The following ZNF141 variants were observed in gnomAD, a reference collection of about 807,000 sequenced individuals.
ZNF141 encodes zinc finger protein 141 (clone pHZ-44).
ZNF141 carries 7 observed loss-of-function variants against 11.3 expected under a neutral mutation model. That is an observed-to-expected ratio of 0.62 (90% CI 0.35 to 1.16). ZNF141 has a LOEUF of 1.16. Ranked by LOEUF, ZNF141 falls within the 50% of genes most tolerant of loss-of-function variation. ZNF141 has a pLI of 0.02. For synonymous variants in ZNF141, 183 were observed against 190.7 expected (o/e 0.96, Z 0.33); for missense variants, 535 against 554.0 (o/e 0.97, Z 0.34).
intron 3 of ZNF141, among the ~76,000 whole-genome samples, chr4:364,836 A>G (rs1031673554): frequency 3.9e-5 from 6 of 151,946 alleles, no homozygotes; most frequent in African/African-American, 4.8e-5. Flanking sequence ...CTCAAACACC[A>G]TGCTGGGAGA....
chr4:364,701 G>A (rs1711653246), intron 3 of ZNF141, among the ~76,000 whole-genome samples: 1 of 152,266 alleles, frequency 6.6e-6, no homozygotes, highest in Admixed American at 6.5e-5. Flanking sequence ...TCCTCTGGAA[G>A]CTTTGTCCCA....
intron 1 of ZNF141, among the ~76,000 whole-genome samples, chr4:341,788 C>T (rs1162914781): frequency 6.6e-6 from 1 of 152,186 alleles, no homozygotes; most frequent in Admixed American, 6.5e-5. Context: ...ACTCCAGTCT[C>T]CTCTCCAGAG....
chr4:358,558 A>C (rs1721959805), intron 3 of ZNF141: 1 of 157,294 alleles, frequency 6.4e-6, no homozygotes, highest in South Asian at 1.7e-4. Flanking sequence ...GTACTTTTGC[A>C]TTTTATTTTT....
chr4:340,667 C>T (rs782722885), intron 1 of ZNF141, among the ~76,000 whole-genome samples: 1 of 152,154 alleles, frequency 6.6e-6, no homozygotes, highest in African/African-American at 2.4e-5. Context: ...CTTTTAATTA[C>T]GAGACCAAGT....
In ZNF141 at chr4:344,405, A is replaced by T; in HGVS notation, c.201A>T (p.Ile67=). Residue 67 remains isoleucine (I), a synonymous_variant, in exon 3 of 4, where the codon ATA becomes ATT. Coordinates refer to ENST00000240499, the MANE Select transcript of ZNF141 (RefSeq NM_003441.4). ...EQRKEPYNVK[I]HKIVARPPAM... ...GAAAAGAGCCCTACAATGTGAAGAT[A>T]CATAAGATCGTAGCCAGACCCCCAG... is the stretch of plus-strand genomic sequence containing the variant. 1 of 1,607,236 alleles carries T rather than the reference A, an allele frequency of 6.2e-7. No homozygotes were observed.
rs146621662 is a variant in ZNF141, at chr4:357,232, G to A, written c.226+12802G>A. 5.9e-5 allele frequency among the ~76,000 whole-genome samples: 9 copies of A among 152,212 alleles called. No homozygotes were observed. The East Asian group carries it at 1.7e-3, about 29-fold the overall frequency. ...ACCTCCCAATGTACTAGGATTACAG[G>A]CATGAGCCATCAGGCCCAGTCATTT... On this transcript the variant is annotated intron_variant, in intron 3 of 3. Coordinates refer to ENST00000240499, the MANE Select transcript of ZNF141 (RefSeq NM_003441.4).
At chr4:354,001 C>T (rs1471246271) in intron 3 of ZNF141, among the ~76,000 whole-genome samples, 2 of 152,196 alleles carry the variant, frequency 1.3e-5, no homozygotes, top group African/African-American at 2.4e-5. Flanking sequence ...ACCTCTGCTT[C>T]TAGGGTTTTC....
intron 3 of ZNF141, among the ~76,000 whole-genome samples, chr4:364,955 A>G (rs1309517262): frequency 1.3e-5 from 2 of 152,244 alleles, no homozygotes; most frequent in African/African-American, 2.4e-5. Flanking sequence ...TACAGAGGCA[A>G]CTGGCCTTGT....
intron 3 of ZNF141, among the ~76,000 whole-genome samples, chr4:351,194 T>G (rs1721582829): frequency 6.6e-6 from 1 of 151,938 alleles, no homozygotes; most frequent in Non-Finnish European, 1.5e-5. Flanking sequence ...TAGAAGCTGC[T>G]GTGCTTCCTG....
At chr4:366,041 G>A (rs1417398080) in intron 3 of ZNF141, among the ~76,000 whole-genome samples, 1 of 152,130 alleles carries the variant, frequency 6.6e-6, no homozygotes, top group South Asian at 2.1e-4. Flanking sequence ...TAGCTTTATA[G>A]CATATTTCGG....
rs781882234 is a variant in ZNF141 at position 344,301 on chromosome 4, T to C, written c.131-34T>C. On this transcript the variant is annotated intron_variant, in intron 2 of 3. Coordinates refer to ENST00000240499, the MANE Select transcript of ZNF141 (RefSeq NM_003441.4). ...TTGGTAATTGGAGAATCCCCATCAA[T>C]AGTCATGTTATTATTTTTTTTAAAA... 4 of 1,561,940 alleles carry C rather than the reference T, an allele frequency of 2.6e-6. No individual in the cohort carries two copies. In the African/African-American group the frequency reaches 4.1e-5, roughly 16 times the overall value.
At chr4:346,576 G>C (rs920993091) in intron 3 of ZNF141, among the ~76,000 whole-genome samples, 1 of 152,100 alleles carries the variant, frequency 6.6e-6, no homozygotes, top group Non-Finnish European at 1.5e-5. Flanking sequence ...AGGTTTCTCA[G>C]ATTTACTCAA....
chr4:376,904 TTGTC>T lies in ZNF141; in HGVS notation c.*3045_*3048del, dbSNP rs1712398352. On this transcript the variant is annotated 3_prime_UTR_variant, in exon 4 of 4. Transcript: ENST00000240499. ...CCCCATACAAACTCCTTGTTTTTAT[TTGTC>T]TGGTGCTCATGCTAGAGCTATAATT... Among the ~76,000 whole-genome samples, 1 of 152,142 alleles carries T rather than the reference TTGTC, an allele frequency of 6.6e-6. No individual in the cohort carries two copies. The highest frequency in any genetic ancestry group is 1.5e-5 in the Non-Finnish European group (1 of 67,978).
At chr4:347,804 T>C (rs1158907875) in intron 3 of ZNF141, among the ~76,000 whole-genome samples, 6 of 152,134 alleles carry the variant, frequency 3.9e-5, no homozygotes, top group African/African-American at 1.4e-4. Context: ...ATTGTTTTGC[T>C]TTTTTGCTTT....
intron 3 of ZNF141, among the ~76,000 whole-genome samples, chr4:368,028 A>G (rs187175249): frequency 6.6e-6 from 1 of 152,204 alleles, no homozygotes; most frequent in African/African-American, 2.4e-5. Flanking sequence ...ACAACTACCT[A>G]CTTTTTCTGT....
At position 378,631 on chromosome 4, in the gene ZNF141, A is replaced by G. The variant is rs1712476913; in HGVS notation, c.*4769A>G. On this transcript the variant is annotated 3_prime_UTR_variant, in exon 4 of 4. Coordinates refer to ENST00000240499, the MANE Select transcript of ZNF141 (RefSeq NM_003441.4). ...AAAAACAATAGAATGATCTCTGTAG[A>G]TTCAAAATCTGCACTGATCTTTTTT... 6.6e-6 allele frequency among the ~76,000 whole-genome samples: 1 copy of G among 152,102 alleles called. No homozygotes were observed. The highest frequency in any genetic ancestry group is 6.6e-5 in the Admixed American group (1 of 15,252).
chr4:364,743 G>A (rs575195776), intron 3 of ZNF141, among the ~76,000 whole-genome samples: 141 of 152,196 alleles, frequency 9.3e-4, no homozygotes, highest in Non-Finnish European at 1.7e-3. Context: ...GGTGTCAGTC[G>A]ACTCCTACTG....
At chr4:362,263 A>G (rs1711529074) in intron 3 of ZNF141, among the ~76,000 whole-genome samples, 1 of 152,136 alleles carries the variant, frequency 6.6e-6, no homozygotes, top group Non-Finnish European at 1.5e-5. Flanking sequence ...AATTCTTTGT[A>G]GATTCTGGTT....
At chr4:341,406 CAGAAG>C (rs1382041711) in intron 1 of ZNF141, among the ~76,000 whole-genome samples, 3 of 152,092 alleles carry the variant, frequency 2.0e-5, no homozygotes, top group Non-Finnish European at 4.4e-5. Flanking sequence ...TATTCATTGA[CAGAAG>C]AGAAGTTGTT....
Sources: gnomAD v4.1 joint callset for allele counts (sites outside exome capture counted in the v4.1 genomes callset) on GRCh38, gnomAD v4.1.1 for gene constraint, MANE v1.5 for transcripts, NCBI Gene and HGNC (gene_info 2026-07-23, HGNC 2026-07-21) for gene names.